The following BTD variants were observed in gnomAD, a reference collection of about 807,000 sequenced individuals.
The protein encoded by BTD is biotinidase, also known as biocytinase.
A neutral mutation model predicts 17.7 loss-of-function variants in BTD; 13 were observed. The ratio of observed to expected loss-of-function variants is 0.74; its 90% CI spans 0.48 to 1.17. The LOEUF (loss-of-function observed/expected upper bound fraction) is 1.17, where lower values mean the gene tolerates loss of function less well. Ranked by LOEUF, BTD falls within the 50% of genes most tolerant of loss-of-function variation. The pLI is 0.00. For synonymous variants in BTD, 240 were observed against 245.2 expected, an observed-to-expected ratio of 0.98 and a Z score of 0.20; for missense variants, 674 against 650.4, an observed-to-expected ratio of 1.04 and a Z score of -0.39.
In BTD at chr3:15,638,385, A is replaced by G. The variant is rs562712950; in HGVS notation, c.249+2697A>G. 2.0e-5 allele frequency among the ~76,000 whole-genome samples: 3 copies of G among 152,312 alleles called. No homozygotes were observed. In the South Asian group the frequency reaches 6.2e-4, roughly 32 times the overall value. On this transcript the variant is annotated intron_variant, in intron 2 of 3. Transcript: ENST00000643237. ...ATCCCAGAACACGCAGCCCTGACGT[A>G]TTAATACCCTGCACAGATCAGAGAC...
intron 3 of BTD, among the ~76,000 whole-genome samples, chr3:15,706,709 G>C (rs1371748985): frequency 6.6e-6 from 1 of 152,172 alleles, no homozygotes; most frequent in Non-Finnish European, 1.5e-5. Context: ...CCCACCAACA[G>C]TATAAAAGTG....
At chr3:15,620,337 A>G (rs938869590) in intron 1 of BTD, among the ~76,000 whole-genome samples, 5 of 152,154 alleles carry the variant, frequency 3.3e-5, no homozygotes, top group Non-Finnish European at 4.4e-5. Flanking sequence ...CCAGGAGCGC[A>G]TTCCTTTCCC....
chr3:15,700,601 T>C (rs888406774), intron 3 of BTD, among the ~76,000 whole-genome samples: 1 of 152,030 alleles, frequency 6.6e-6, no homozygotes, highest in African/African-American at 2.4e-5. Flanking sequence ...TGGTGAAATC[T>C]TGTCTCTACC....
chr3:15,621,706 T>A (rs1266962070), intron 1 of BTD, among the ~76,000 whole-genome samples: 1 of 152,134 alleles, frequency 6.6e-6, no homozygotes, highest in Non-Finnish European at 1.5e-5. Flanking sequence ...TTCAAGCAAT[T>A]CTCCTGCCTC....
rs755029574 is a variant in BTD, at chr3:15,601,882, G to C, written c.-29G>C. ...CATGCGCATATTCAGGGCGGAAGGCGCGCTAAGAGCAGGTACGGAGGGGGC... is the reference window on the plus strand; with the variant it reads ...CATGCGCATATTCAGGGCGGAAGGCCCGCTAAGAGCAGGTACGGAGGGGGC... On this transcript the variant is annotated 5_prime_UTR_variant, in exon 1 of 4. Coordinates refer to ENST00000643237, the MANE Select transcript of BTD (RefSeq NM_001370658.1). 3 of 1,614,092 alleles carry C rather than the reference G, an allele frequency of 1.9e-6. No homozygotes were observed. The highest frequency in any genetic ancestry group is 2.5e-6 in the Non-Finnish European group (3 of 1,180,036).
In BTD at chr3:15,659,263, G is replaced by A. The variant is rs140672038; in HGVS notation, c.399+17206G>A. On this transcript the variant is annotated intron_variant, in intron 3 of 3. Coordinates refer to the BTD transcript ENST00000672141. The stretch of plus-strand genomic sequence containing the variant: ...ATCCATTGCTGTGCTTATAATGAAG[G>A]TCGTGCTTCCACACATGGCTTCTCA... Among the ~76,000 whole-genome samples the A allele has an allele frequency of 3.2e-4, 49 of 152,128 alleles. 1 individual carries two copies. In the East Asian group the frequency reaches 8.5e-3, roughly 26 times the overall value.
chr3:15,645,246 G>A lies in BTD; in HGVS notation c.1330G>A (p.Gly444Arg), dbSNP rs200704600. 1 of 1,614,180 alleles carries A rather than the reference G, an allele frequency of 6.2e-7. No homozygotes were observed. The highest frequency in any genetic ancestry group is 8.5e-7 in the Non-Finnish European group (1 of 1,180,036). ...CCAAGTGTGTGCCCTGGTCAGGTGT[G>A]GGGGTCTTGGCTTCGACACCTGTGG... ...YIQVCALVRC[G>R]GLGFDTCGQE... The change falls in exon 4 of 4, where the codon GGG becomes AGG. Residue 444 changes from glycine to arginine, a missense_variant. Coordinates refer to ENST00000643237, the MANE Select transcript of BTD (RefSeq NM_001370658.1).
chr3:15,680,199 T>C (rs550880441), intron 3 of BTD, among the ~76,000 whole-genome samples: 2 of 152,224 alleles, frequency 1.3e-5, no homozygotes, highest in East Asian at 1.9e-4. Context: ...TAATAGCATA[T>C]ATGAAATATT....
intron 3 of BTD, chr3:15,676,912 T>G: frequency 7.2e-7 from 1 of 1,395,238 alleles, no homozygotes; most frequent in Non-Finnish European, 1.0e-6. Flanking sequence ...TTTAAAAAAA[T>G]CCATTTATCA....
chr3:15,604,581 C>T (rs1278764693), intron 1 of BTD, among the ~76,000 whole-genome samples: 2 of 152,362 alleles, frequency 1.3e-5, no homozygotes, highest in South Asian at 4.1e-4. Flanking sequence ...ATGCAAATTT[C>T]TGCTGCCAGC....
At chr3:15,656,517 C>T (rs940959748), downstream of BTD, among the ~76,000 whole-genome samples, 1 of 152,204 alleles carries the variant, frequency 6.6e-6, no homozygotes, top group Non-Finnish European at 1.5e-5. Flanking sequence ...TGTGCTCTTG[C>T]AATCTTGATT....
intron 3 of BTD, among the ~76,000 whole-genome samples, chr3:15,703,878 C>G (rs929157331): frequency 6.6e-6 from 1 of 152,122 alleles, no homozygotes; most frequent in African/African-American, 2.4e-5. Context: ...TATACCAGGA[C>G]TTCAACTTTG....
At chr3:15,692,008 C>G (rs2068861980) in intron 3 of BTD, among the ~76,000 whole-genome samples, 1 of 150,738 alleles carries the variant, frequency 6.6e-6, no homozygotes, top group African/African-American at 2.5e-5. Context: ...GACCTGGTGG[C>G]ACATGCCTGT....
chr3:15,630,436 CCTT>C (rs1198248597), intron 1 of BTD, among the ~76,000 whole-genome samples: 1 of 152,104 alleles, frequency 6.6e-6, no homozygotes, highest in East Asian at 1.9e-4. Flanking sequence ...TGCAAAAAAG[CCTT>C]CTTACATTAA....
chr3:15,702,745 G>A (rs2070792507), intron 3 of BTD, among the ~76,000 whole-genome samples: 1 of 152,100 alleles, frequency 6.6e-6, no homozygotes, highest in African/African-American at 2.4e-5. Context: ...GAAAACAGAT[G>A]TGGTATTGTC....
chr3:15,637,806 A>C (rs1257275820), intron 2 of BTD, among the ~76,000 whole-genome samples: 1 of 152,226 alleles, frequency 6.6e-6, no homozygotes, highest in Non-Finnish European at 1.5e-5. Flanking sequence ...TGACACACTG[A>C]AACCCAGACT....
downstream of BTD, among the ~76,000 whole-genome samples, chr3:15,655,891 G>A (rs1028797825): frequency 7.2e-5 from 11 of 152,106 alleles, no homozygotes; most frequent in East Asian, 1.9e-4. Flanking sequence ...CAACCTCTGC[G>A]TCCCGGGTTC....
At chr3:15,636,967 T>C (rs1338965107) in intron 2 of BTD, among the ~76,000 whole-genome samples, 3 of 152,196 alleles carry the variant, frequency 2.0e-5, no homozygotes, top group Non-Finnish European at 2.9e-5. Flanking sequence ...GACTCACAGG[T>C]CCGTTTGTTC....
Position 15,649,577 on chromosome 3 carries a change from A to G in BTD, c.*4089A>G, listed in dbSNP as rs2065768191. Among the ~76,000 whole-genome samples, 1 of 152,210 alleles carries G rather than the reference A, an allele frequency of 6.6e-6. No homozygotes were observed. Among genetic ancestry groups the G allele is most frequent in the Admixed American group, 6.5e-5 (1 of 15,288 alleles). On this transcript the variant is annotated 3_prime_UTR_variant, in exon 4 of 4. Coordinates refer to ENST00000643237, the MANE Select transcript of BTD (RefSeq NM_001370658.1). ...AGCTCCGCCTGACCTCTGAGCTCAC[A>G]TGATGGCCCTTACTGTGAACCTGGG...
Sources: gnomAD v4.1 joint callset for allele counts (sites outside exome capture counted in the v4.1 genomes callset) on GRCh38, gnomAD v4.1.1 for gene constraint, MANE v1.5 for transcripts, NCBI Gene and HGNC (gene_info 2026-07-23, HGNC 2026-07-21) for gene names.